Variants in GFRA2 observed in about 807,000 individuals in gnomAD.
The protein encoded by GFRA2 is GDNF family receptor alpha-2.
A neutral mutation model predicts 48.3 loss-of-function variants in GFRA2; 17 were observed. The ratio of observed to expected loss-of-function variants is 0.35; its 90% confidence interval spans 0.24 to 0.53. The LOEUF is 0.53. Ranked by LOEUF, GFRA2 falls within the 20% of genes least tolerant of loss-of-function variation. GFRA2 has a pLI of 0.93. For missense variants in GFRA2, 660 were observed against 637.3 expected (o/e 1.04, Z -0.38); for synonymous variants, 305 against 257.2 (o/e 1.19, Z -1.78).
At chr8:21,709,497 C>A (rs190524607) in intron 4 of GFRA2, among the ~76,000 whole-genome samples, 4 of 152,212 alleles carry the variant, frequency 2.6e-5, no homozygotes, top group Non-Finnish European at 4.4e-5. Context: ...AAATACACAT[C>A]GAGCCCTGCC....
chr8:21,775,653 G>C (rs1228823334), intron 2 of GFRA2, among the ~76,000 whole-genome samples: 3 of 152,132 alleles, frequency 2.0e-5, no homozygotes, highest in Non-Finnish European at 4.4e-5. Flanking sequence ...GCCCCCCATC[G>C]TGTCACCAGG....
intron 1 of GFRA2, among the ~76,000 whole-genome samples, chr8:21,811,101 G>A (rs1807972201): frequency 6.6e-6 from 1 of 152,180 alleles, no homozygotes; most frequent in South Asian, 2.1e-4. Context: ...GAGAAGGGGA[G>A]CAGCCTGCAG....
intron 4 of GFRA2, among the ~76,000 whole-genome samples, chr8:21,710,291 C>T (rs1020956021): frequency 2.0e-5 from 3 of 152,184 alleles, no homozygotes; most frequent in South Asian, 4.1e-4. Context: ...GGCAGGCGCC[C>T]GATGGAGACA....
chr8:21,725,306 G>T (rs562159025), intron 4 of GFRA2, among the ~76,000 whole-genome samples: 1 of 152,266 alleles, frequency 6.6e-6, no homozygotes, highest in African/African-American at 2.4e-5. Context: ...AAAGCAATCG[G>T]CAGCTGTGGT....
chr8:21,732,025 C>A (rs1045914572), intron 4 of GFRA2, among the ~76,000 whole-genome samples: 16 of 152,202 alleles, frequency 1.1e-4, no homozygotes, highest in Admixed American at 3.9e-4. Context: ...AAGAACTTCA[C>A]AAGTATTTAT....
At chr8:21,788,983 C>T (rs1184916953), upstream of GFRA2, 1 of 221,346 alleles carries the variant, frequency 4.5e-6, no homozygotes, top group African/African-American at 2.4e-5. Context: ...CGCCAGCGCC[C>T]CTCTCCTCCG....
chr8:21,789,445 G>T (rs377704874), upstream of GFRA2, among the ~76,000 whole-genome samples: 101 of 152,172 alleles, frequency 6.6e-4, no homozygotes, highest in East Asian at 8.0e-3. Flanking sequence ...GAGCCATCCG[G>T]GGGCTCGGGG....
chr8:21,741,664 C>T (rs972934884), intron 4 of GFRA2, among the ~76,000 whole-genome samples: 5 of 152,148 alleles, frequency 3.3e-5, no homozygotes, highest in Admixed American at 2.6e-4. Context: ...TGGCTCACAC[C>T]TGTAATCCCA....
At chr8:21,700,423 T>C (rs1802416147) in intron 7 of GFRA2, among the ~76,000 whole-genome samples, 1 of 152,172 alleles carries the variant, frequency 6.6e-6, no homozygotes, top group South Asian at 2.1e-4. Context: ...GGGAGGGGGC[T>C]CCTGGCTCTA....
intron 1 of GFRA2, among the ~76,000 whole-genome samples, chr8:21,811,014 C>A (rs1290108965): frequency 6.6e-6 from 1 of 152,244 alleles, no homozygotes; most frequent in Non-Finnish European, 1.5e-5. Context: ...ACACTCTTGT[C>A]CTCTCCAGAA....
intron 7 of GFRA2, among the ~76,000 whole-genome samples, chr8:21,699,254 C>T (rs1802354685): frequency 6.6e-6 from 1 of 152,188 alleles, no homozygotes; most frequent in African/African-American, 2.4e-5. Flanking sequence ...GGTATGAGAC[C>T]CATCCAGGAG....
chr8:21,704,189 C>T (rs900832221), intron 6 of GFRA2, among the ~76,000 whole-genome samples: 3 of 152,222 alleles, frequency 2.0e-5, no homozygotes, highest in African/African-American at 4.8e-5. Context: ...GACTGGCAGG[C>T]GCCCCCTGCC....
At chr8:21,808,235 G>A (rs1207434280) in intron 1 of GFRA2, among the ~76,000 whole-genome samples, 1 of 152,130 alleles carries the variant, frequency 6.6e-6, no homozygotes, top group Admixed American at 6.5e-5. Flanking sequence ...AAAACTCCAT[G>A]GTGGAATATT....
At chr8:21,803,328 T>A (rs1236557416) in intron 2 of GFRA2, among the ~76,000 whole-genome samples, 1 of 152,166 alleles carries the variant, frequency 6.6e-6, no homozygotes, top group Non-Finnish European at 1.5e-5. Context: ...TGCTCCTGTC[T>A]AGCAACAGTG....
At chr8:21,787,466 G>T (rs1031457824) in intron 1 of GFRA2, among the ~76,000 whole-genome samples, 1 of 152,126 alleles carries the variant, frequency 6.6e-6, no homozygotes, top group Admixed American at 6.5e-5. Context: ...CTCCGCTCCC[G>T]CCCACCCATC....
chr8:21,716,702 T>C (rs1803354085), intron 4 of GFRA2, among the ~76,000 whole-genome samples: 1 of 152,178 alleles, frequency 6.6e-6, no homozygotes, highest in Non-Finnish European at 1.5e-5. Context: ...CTGACAAGCA[T>C]GCATACGCCT....
At chr8:21,763,950 A>AACACACACACACAC (rs527247743) in intron 3 of GFRA2, among the ~76,000 whole-genome samples, 1 of 123,394 alleles carries the variant, frequency 8.1e-6, no homozygotes, top group Non-Finnish European at 1.7e-5. Flanking sequence ...GTCACTAGGT[A>AACACACACACACAC]ACACACACAC....
At chr8:21,799,263 G>A (rs1291090409) in intron 2 of GFRA2, among the ~76,000 whole-genome samples, 1 of 151,078 alleles carries the variant, frequency 6.6e-6, no homozygotes, top group Non-Finnish European at 1.5e-5. Context: ...TGTCACCCAG[G>A]CTGGAGTGCA....
chr8:21,705,162 AC>A, intron 5 of GFRA2, 37 bp from the exon 6 acceptor site: 1 of 1,583,436 alleles, frequency 6.3e-7, no homozygotes, highest in Non-Finnish European at 8.6e-7. Context: ...GGAGAGAGGT[AC>A]GGTGGGGCCT....
Sources: allele counts gnomAD v4.1 joint callset (sites outside exome capture counted in the v4.1 genomes callset), GRCh38; gene constraint gnomAD v4.1.1; transcripts MANE v1.5; gene names NCBI Gene and HGNC (gene_info 2026-07-23, HGNC 2026-07-21).